SLIT3: variants seen among roughly 807,000 people sequenced by gnomAD.
The protein encoded by SLIT3 is slit guidance ligand 3, also known as slit homolog 3 protein.
Under a neutral mutation model 184.0 loss-of-function variants are expected in SLIT3, and 68 were observed. That is an observed-to-expected ratio of 0.37 (90% confidence interval 0.30 to 0.45). The LOEUF is 0.45. SLIT3 is among the 20% of genes least tolerant of loss of function. SLIT3 has a pLI of 1.00. For synonymous variants in SLIT3, 831 were observed against 828.6 expected (o/e 1.00, Z -0.05); for missense variants, 1,707 against 2,026.0 (o/e 0.84, Z 3.02).
chr5:169,215,428 T>A (rs1156552942), intron 3 of SLIT3, among the ~76,000 whole-genome samples: 1 of 152,222 alleles, frequency 6.6e-6, no homozygotes, highest in African/African-American at 2.4e-5. Context: ...TTTGTTTCTT[T>A]CATCACAGAG....
intron 4 of SLIT3, among the ~76,000 whole-genome samples, chr5:168,981,231 T>G (rs1292369301): frequency 6.6e-6 from 1 of 152,146 alleles, no homozygotes. Context: ...GGACCACGTG[T>G]CAGTTTATTC....
At chr5:168,951,206 C>T (rs1762642148) in intron 4 of SLIT3, among the ~76,000 whole-genome samples, 1 of 152,158 alleles carries the variant, frequency 6.6e-6, no homozygotes, top group Non-Finnish European at 1.5e-5. Context: ...GGCGACAGAG[C>T]AAGACTGTCT....
chr5:169,074,636 C>T (rs940145719), intron 4 of SLIT3, among the ~76,000 whole-genome samples: 11 of 152,306 alleles, frequency 7.2e-5, no homozygotes, highest in African/African-American at 2.6e-4. Flanking sequence ...CTGCTGCCTC[C>T]TAAGATGCAG....
chr5:168,784,042 A>T (rs1756066648), intron 12 of SLIT3, among the ~76,000 whole-genome samples: 1 of 152,124 alleles, frequency 6.6e-6, no homozygotes, highest in Non-Finnish European at 1.5e-5. Flanking sequence ...TGTGCTAGGC[A>T]CTGTGATACA....
chr5:169,213,084 T>C (rs763126637), intron 3 of SLIT3, among the ~76,000 whole-genome samples: 16 of 152,100 alleles, frequency 1.1e-4, no homozygotes, highest in Non-Finnish European at 1.6e-4. Context: ...CAGCCCAATA[T>C]CTCCTTAAGC....
chr5:169,067,162 C>A lies in SLIT3; in HGVS notation c.413+126317G>T, dbSNP rs150984959. On this transcript the variant is annotated intron_variant, in intron 4 of 35. Coordinates refer to ENST00000519560, the MANE Select transcript of SLIT3 (RefSeq NM_003062.4). ...CAGTGGCTCATGTTTGTAATCCCAG[C>A]ACTTTGGGAGGCTGAGGTGGGTGGA... Among the ~76,000 whole-genome samples, 987 of 152,228 alleles carry A rather than the reference C, an allele frequency of 6.5e-3. 8 individuals carry two copies. The highest frequency in any genetic ancestry group is 9.6e-3 in the Non-Finnish European group (653 of 68,018).
intron 4 of SLIT3, among the ~76,000 whole-genome samples, chr5:168,922,209 G>T (rs1261987382): frequency 6.6e-6 from 1 of 152,132 alleles, no homozygotes; most frequent in Non-Finnish European, 1.5e-5. Context: ...TGTAATCCCA[G>T]CACTTTGGGA....
chr5:169,002,952 AAAG>A (rs1193820523), intron 4 of SLIT3, among the ~76,000 whole-genome samples: 2 of 152,220 alleles, frequency 1.3e-5, no homozygotes, highest in African/African-American at 2.4e-5. Context: ...ATGCCTAGTA[AAAG>A]AAGAAGTTTG....
At chr5:168,682,686 C>T (rs1761627701) in intron 32 of SLIT3, among the ~76,000 whole-genome samples, 1 of 152,138 alleles carries the variant, frequency 6.6e-6, no homozygotes, top group South Asian at 2.1e-4. Flanking sequence ...TAAGTATTTA[C>T]AATTCTTAAG....
At chr5:169,123,455 T>A (rs1297723309) in intron 4 of SLIT3, among the ~76,000 whole-genome samples, 3 of 152,202 alleles carry the variant, frequency 2.0e-5, no homozygotes, top group African/African-American at 7.2e-5. Context: ...TCAACTTGTT[T>A]GTGCTCTAAT....
At chr5:168,757,786 T>C (rs1056725465) in intron 16 of SLIT3, among the ~76,000 whole-genome samples, 3 of 152,184 alleles carry the variant, frequency 2.0e-5, no homozygotes, top group Non-Finnish European at 4.4e-5. Flanking sequence ...TCAACTCAGA[T>C]GCCCTCTCCT....
At chr5:168,933,553 CA>C (rs954598565) in intron 4 of SLIT3, among the ~76,000 whole-genome samples, 21 of 121,678 alleles carry the variant, frequency 1.7e-4, no homozygotes, top group African/African-American at 4.0e-4. Context: ...AACAAACAAA[CA>C]AAAAAAACAG....
At chr5:169,099,166 G>A (rs1396255101) in intron 4 of SLIT3, among the ~76,000 whole-genome samples, 5 of 152,094 alleles carry the variant, frequency 3.3e-5, no homozygotes, top group Non-Finnish European at 1.5e-5. Context: ...TGTTTCTGGA[G>A]GGATAAAACA....
At position 168,958,714 on chromosome 5, in the gene SLIT3, C is replaced by T. The variant is rs998283513; in HGVS notation, c.414-75378G>A. Reference sequence around the variant, plus strand: ...TCCCCCTAGAGAGAGAAGAGGGTTTCGGGAAGAGATCAGAAGGTCACCTGC... The same window carrying T: ...TCCCCCTAGAGAGAGAAGAGGGTTTTGGGAAGAGATCAGAAGGTCACCTGC... On this transcript the variant is annotated intron_variant, in intron 4 of 35. Coordinates refer to ENST00000519560, the MANE Select transcript of SLIT3 (RefSeq NM_003062.4). 8.5e-5 allele frequency among the ~76,000 whole-genome samples: 13 copies of T among 152,314 alleles called. No homozygotes were observed. The East Asian group carries it at 1.2e-3, about 14-fold the overall frequency.
intron 20 of SLIT3, among the ~76,000 whole-genome samples, chr5:168,744,741 C>A (rs1763748900): frequency 6.6e-6 from 1 of 152,188 alleles, no homozygotes; most frequent in African/African-American, 2.4e-5. Flanking sequence ...ATCGTTGAGA[C>A]CTGCTGCACA....
intron 20 of SLIT3, among the ~76,000 whole-genome samples, chr5:168,736,739 A>AG (rs1561901574): frequency 3.3e-5 from 5 of 151,600 alleles, no homozygotes; most frequent in African/African-American, 1.2e-4. Context: ...TGCAATGCAG[A>AG]TGTCAGTTTT....
chr5:169,049,624 G>C (rs1292286850), intron 4 of SLIT3, among the ~76,000 whole-genome samples: 1 of 152,150 alleles, frequency 6.6e-6, no homozygotes, highest in Non-Finnish European at 1.5e-5. Context: ...TTTCCACGAA[G>C]TCCAGCCTAG....
At chr5:169,062,613 C>T (rs1758212652) in intron 4 of SLIT3, among the ~76,000 whole-genome samples, 1 of 152,224 alleles carries the variant, frequency 6.6e-6, no homozygotes, top group African/African-American at 2.4e-5. Flanking sequence ...AGTGTATCAT[C>T]CTATTGCATT....
chr5:168,961,360 T>A lies in SLIT3; in HGVS notation c.414-78024A>T, dbSNP rs1432153823. The stretch of plus-strand genomic sequence containing the variant: ...GCACTGATGAACAAACATAACAAAA[T>A]GAAAATAAAATTAACAAAACTAAAA... On this transcript the variant is annotated intron_variant, in intron 4 of 35. Coordinates refer to ENST00000519560, the MANE Select transcript of SLIT3 (RefSeq NM_003062.4). Among the ~76,000 whole-genome samples the A allele has an allele frequency of 2.6e-5, 4 of 152,104 alleles. 1 individual carries two copies. In the East Asian group the frequency reaches 7.7e-4, roughly 29 times the overall value.
Sources: allele counts gnomAD v4.1 joint callset (sites outside exome capture counted in the v4.1 genomes callset), GRCh38; gene constraint gnomAD v4.1.1; transcripts MANE v1.5; gene names NCBI Gene and HGNC (gene_info 2026-07-23, HGNC 2026-07-21).